RGS3: variants seen among roughly 807,000 people sequenced by gnomAD.
RGS3 encodes the protein regulator of G protein signaling 3.
A neutral mutation model predicts 132.6 loss-of-function variants in RGS3; 80 were observed. The ratio of observed to expected loss-of-function variants is 0.60; its 90% CI spans 0.50 to 0.73. RGS3 has a LOEUF of 0.73. RGS3 is among the 30% of genes least tolerant of loss of function. The pLI is 0.00. For synonymous variants in RGS3, 598 were observed against 620.6 expected (o/e 0.96, Z 0.54); for missense variants, 1,382 against 1,530.8 (o/e 0.90, Z 1.62).
intron 7 of RGS3, among the ~76,000 whole-genome samples, chr9:113,492,197 G>A (rs1026151558): frequency 6.6e-6 from 1 of 152,162 alleles, no homozygotes; most frequent in African/African-American, 2.4e-5. Context: ...ATCTTGTAAT[G>A]AGTCTGCAAC....
At chr9:113,584,014 A>C (rs759590800) in exon 20 of RGS3, 6 of 1,614,010 alleles carry the variant, frequency 3.7e-6, no homozygotes, top group Non-Finnish European at 4.2e-6. Context: ...CTACAGCCAG[A>C]AGGCAGGGGC....
Position 113,591,147 on chromosome 9 carries a change from C to T in RGS3, c.3016-186C>T, listed in dbSNP as rs1407461442. On this transcript the variant is annotated intron_variant, in intron 20 of 24. Coordinates refer to ENST00000350696, the Ensembl canonical transcript of RGS3. The surrounding 1 kb of genome is among the most constrained non-coding windows in gnomAD (Gnocchi z 4.4). The stretch of plus-strand genomic sequence containing the variant: ...CCTGTGGCCGGAGAGTCTGCCAGGC[C>T]GATTCCACTTCATGGCCAGGCTGTT... Among the ~76,000 whole-genome samples, 4 of 152,166 alleles carry T rather than the reference C, an allele frequency of 2.6e-5. No homozygotes were observed. The highest frequency in any genetic ancestry group is 5.9e-5 in the Non-Finnish European group (4 of 68,024).
exon 20 of RGS3, chr9:113,584,100 G>C: frequency 1.2e-6 from 2 of 1,614,236 alleles, no homozygotes; most frequent in Non-Finnish European, 1.7e-6. Flanking sequence ...AAGGGGAGGA[G>C]GACGAGGATG....
rs1301176830 is a variant in RGS3 at position 113,565,181 on chromosome 9, G to T, written c.2038-18269G>T. On this transcript the variant is annotated intron_variant, in intron 19 of 24. Transcript: ENST00000350696. This position sits in a 1 kb window ranked among gnomAD's most constrained non-coding sequence, Gnocchi z 5.7. ...GCCTATGCGTGTGAGCATGTAACCC[G>T]GGAGCCAGCTGGGCCCCTCGCGGGG... The T allele has an allele frequency of 1.6e-6, 2 of 1,230,974 alleles. No individual in the cohort carries two copies. The highest frequency in any genetic ancestry group is 3.1e-5 in the African/African-American group (2 of 64,074). 76.3% of individuals were successfully genotyped at this position (1,230,974 alleles called of 1,614,324 possible).
At chr9:113,541,795 T>C (rs1832913562) in intron 19 of RGS3, 1 of 998,142 alleles carries the variant, frequency 1.0e-6, no homozygotes, top group Non-Finnish European at 1.2e-6. Context: ...TGAAGAACAA[T>C]GCCATGATCT....
At chr9:113,503,465 G>A (rs1246343620) in intron 10 of RGS3, 1 of 152,418 alleles carries the variant, frequency 6.6e-6, no homozygotes, top group Non-Finnish European at 1.5e-5. Flanking sequence ...ACTCCCATCT[G>A]GCTTGGACTG....
intron 7 of RGS3, among the ~76,000 whole-genome samples, chr9:113,492,268 A>T (rs7865642): frequency 0.014 from 2,062 of 152,276 alleles, 42 homozygotes; most frequent in African/African-American, 0.047. Flanking sequence ...GTTACTTCAA[A>T]GCCTTTGTAA....
At chr9:113,465,609 A>G (rs542120385) in intron 3 of RGS3, among the ~76,000 whole-genome samples, 2 of 152,162 alleles carry the variant, frequency 1.3e-5, no homozygotes, top group Admixed American at 6.5e-5. Flanking sequence ...ATGTTCTTCT[A>G]TTAGATTAAT....
chr9:113,449,561 G>A (rs1024451107), intron 1 of RGS3, among the ~76,000 whole-genome samples: 2 of 152,104 alleles, frequency 1.3e-5, no homozygotes. Flanking sequence ...CTGAAAATAC[G>A]TCCCAGAGGG....
At chr9:113,519,826 C>G (rs982987063) in intron 16 of RGS3, among the ~76,000 whole-genome samples, 2 of 152,136 alleles carry the variant, frequency 1.3e-5, no homozygotes, top group Non-Finnish European at 2.9e-5. Context: ...GTGAGCTGAT[C>G]CAGTCCCGCA....
At chr9:113,494,184 A>G (rs925743472) in intron 7 of RGS3, among the ~76,000 whole-genome samples, 2 of 152,192 alleles carry the variant, frequency 1.3e-5, no homozygotes, top group Non-Finnish European at 2.9e-5. Flanking sequence ...TGGCACAATA[A>G]AAGTCCTTAA....
At chr9:113,551,011 C>G (rs1442943436) in intron 19 of RGS3, among the ~76,000 whole-genome samples, 1 of 152,180 alleles carries the variant, frequency 6.6e-6, no homozygotes, top group Non-Finnish European at 1.5e-5. Context: ...TTAAAGTACA[C>G]AATTCAGTAA....
intron 19 of RGS3, among the ~76,000 whole-genome samples, chr9:113,576,385 G>T (rs1834525994): frequency 6.7e-6 from 1 of 148,934 alleles, no homozygotes; most frequent in African/African-American, 2.5e-5. Flanking sequence ...AGGCTGGAGT[G>T]CAGTGACGTG....
At chr9:113,578,740 T>C (rs1366407765) in intron 19 of RGS3, among the ~76,000 whole-genome samples, 2 of 152,062 alleles carry the variant, frequency 1.3e-5, no homozygotes, top group Admixed American at 1.3e-4. Flanking sequence ...ATGCCAAGCT[T>C]GAAGGAACAG....
intron 17 of RGS3, 84 bp from the exon 16 acceptor site, chr9:113,529,137 G>A (rs1177704938): frequency 4.7e-6 from 5 of 1,059,142 alleles, no homozygotes; most frequent in Non-Finnish European, 7.4e-6. Flanking sequence ...AGCCTTCTGG[G>A]CAAGACAGCT....
intron 8 of RGS3, among the ~76,000 whole-genome samples, chr9:113,496,184 A>G (rs1206965537): frequency 6.6e-6 from 1 of 152,172 alleles, no homozygotes; most frequent in Non-Finnish European, 1.5e-5. Context: ...GATGAGGGCC[A>G]GGTGCACCCG....
intron 14 of RGS3, among the ~76,000 whole-genome samples, chr9:113,512,453 C>T (rs1272625719): frequency 1.3e-5 from 2 of 152,104 alleles, no homozygotes; most frequent in Non-Finnish European, 2.9e-5. Flanking sequence ...GAGCGCTGCC[C>T]CCAGATTTGT....
intron 19 of RGS3, among the ~76,000 whole-genome samples, chr9:113,547,762 C>A (rs1039068120): frequency 9.2e-5 from 14 of 152,234 alleles, no homozygotes; most frequent in Non-Finnish European, 1.9e-4. Context: ...TCAGACTCTT[C>A]CCGATAAGTT....
chr9:113,466,770 A>G (rs1287928442), intron 3 of RGS3, among the ~76,000 whole-genome samples: 1 of 152,208 alleles, frequency 6.6e-6, no homozygotes, highest in Non-Finnish European at 1.5e-5. Flanking sequence ...CATTTAAACC[A>G]TACAATTCAA....
Sources: allele counts gnomAD v4.1 joint callset (sites outside exome capture counted in the v4.1 genomes callset), GRCh38; gene constraint gnomAD v4.1.1; non-coding constraint Gnocchi (gnomAD v3.1); transcripts MANE v1.5; gene names NCBI Gene and HGNC (gene_info 2026-07-23, HGNC 2026-07-21).